Variants in MGAT1 observed in about 807,000 individuals in gnomAD.
The protein encoded by MGAT1 is alpha-1,3-mannosyl-glycoprotein 2-beta-N-acetylglucosaminyltransferase.
In MGAT1, 14 loss-of-function variants were observed where a neutral mutation model predicts 31.7. The observed-to-expected ratio is 0.44, with a 90% confidence interval of 0.29 to 0.69. The LOEUF is 0.69. MGAT1 is among the 30% of genes least tolerant of loss of function. The pLI is 0.12. For missense variants in MGAT1, 557 were observed against 626.0 expected (o/e 0.89, Z 1.18); for synonymous variants, 338 against 276.0 (o/e 1.22, Z -2.23).
At chr5:180,801,079 G>T (rs1000788106) in intron 1 of MGAT1, among the ~76,000 whole-genome samples, 10 of 152,224 alleles carry the variant, frequency 6.6e-5, no homozygotes, top group African/African-American at 2.4e-4. Context: ...CTCTGGGTAG[G>T]CGCCACCTGC....
At chr5:180,813,152 C>T (rs181407137) in intron 1 of MGAT1, among the ~76,000 whole-genome samples, 11 of 151,468 alleles carry the variant, frequency 7.3e-5, no homozygotes, top group South Asian at 4.1e-4. Context: ...TTGTTGAAGG[C>T]GTTTGTTTGA....
Position 180,792,791 on chromosome 5 carries a change from C to T in MGAT1, c.181G>A (p.Ala61Thr), listed in dbSNP as rs985736712. The T allele has an allele frequency of 1.9e-6, 3 of 1,552,420 alleles. No homozygotes were observed. The highest frequency in any genetic ancestry group is 2.6e-6 in the Non-Finnish European group (3 of 1,148,560). The change falls in exon 2 of 2, where the codon GCC becomes ACC. Residue 61 changes from alanine (A) to threonine (T), a missense_variant. Physicochemically the swap from Ala to Thr is moderately conservative, Grantham distance 58. Transcript: ENST00000307826. ...CGCTGCCGCTCCAGCTCCACCTCGG[C>T]GTCTTGGGCCAGGCGAATCACTTCC... ...TREVIRLAQDAEVELERQRGL... is the reference protein window; with the variant it reads ...TREVIRLAQDTEVELERQRGL...
At chr5:180,797,218 G>A (rs958236968) in intron 1 of MGAT1, among the ~76,000 whole-genome samples, 2 of 152,008 alleles carry the variant, frequency 1.3e-5, no homozygotes, top group Non-Finnish European at 2.9e-5. Context: ...CCAACATGGC[G>A]AAACCCCATC....
rs1405661057 is a variant in MGAT1 at position 180,791,213 on chromosome 5, C to T, written c.*421G>A. ...TGTCCCCTTCTCCCATAACTCAGTC[C>T]CCACTGGGGGAAGGGGAGCAGGTAT... On this transcript the variant is annotated 3_prime_UTR_variant, in exon 2 of 2. Coordinates refer to ENST00000307826, the MANE Select transcript of MGAT1 (RefSeq NM_002406.4). The T allele has an allele frequency of 5.3e-6, 1 of 189,382 alleles. No individual in the cohort carries two copies. Among genetic ancestry groups the T allele is most frequent in the Non-Finnish European group, 1.1e-5 (1 of 92,544 alleles). The allele number at this position is 189,382 out of a possible 1,614,324, so 11.7% of individuals were successfully genotyped here.
chr5:180,797,676 C>T (rs1769764199), intron 1 of MGAT1, among the ~76,000 whole-genome samples: 1 of 152,106 alleles, frequency 6.6e-6, no homozygotes, highest in South Asian at 2.1e-4. Flanking sequence ...CAAGTCTGCA[C>T]ACACATGGAG....
intron 1 of MGAT1, among the ~76,000 whole-genome samples, chr5:180,814,935 T>G (rs1325298011): frequency 1.4e-5 from 2 of 146,208 alleles, no homozygotes; most frequent in African/African-American, 5.3e-5. Flanking sequence ...AGTGAGACTC[T>G]GTCTCAAAAA....
chr5:180,793,984 T>C (rs952928972), intron 1 of MGAT1, among the ~76,000 whole-genome samples: 2 of 152,112 alleles, frequency 1.3e-5, no homozygotes, highest in Non-Finnish European at 2.9e-5. Flanking sequence ...AAAAATACCT[T>C]TTTATGGAGC....
At chr5:180,797,259 G>A (rs117657946) in intron 1 of MGAT1, among the ~76,000 whole-genome samples, 17,846 of 152,010 alleles carry the variant, frequency 0.12, 1,141 homozygotes, top group East Asian at 0.24. Context: ...AAAATTAGCC[G>A]GGTGTGGTGG....
chr5:180,804,646 A>G (rs1432772703), upstream of MGAT1, among the ~76,000 whole-genome samples: 1 of 152,260 alleles, frequency 6.6e-6, no homozygotes, highest in East Asian at 1.9e-4. Context: ...ACTAGGTGTC[A>G]AGGCGTAAAG....
intron 1 of MGAT1, among the ~76,000 whole-genome samples, chr5:180,802,433 C>T (rs1046766362): frequency 1.3e-5 from 2 of 152,196 alleles, no homozygotes; most frequent in Non-Finnish European, 2.9e-5. Context: ...CCGCGGAGCC[C>T]GCCCTTCCTC....
At position 180,793,001 on chromosome 5, in the gene MGAT1, G is replaced by C. The variant is rs924374684; in HGVS notation, c.-30C>G. On this transcript the variant is annotated 5_prime_UTR_variant, in exon 2 of 2. Coordinates refer to ENST00000307826, the MANE Select transcript of MGAT1 (RefSeq NM_002406.4). Reference sequence around the variant, plus strand: ...GCCCCCACCGGGGAGGGCAGGCCAGGGGACGGTTCAAGGCTGCCCTGGGCT... The same window carrying C: ...GCCCCCACCGGGGAGGGCAGGCCAGCGGACGGTTCAAGGCTGCCCTGGGCT... The C allele has an allele frequency of 6.2e-7, 1 of 1,611,036 alleles. No individual in the cohort carries two copies. The highest frequency in any genetic ancestry group is 8.5e-7 in the Non-Finnish European group (1 of 1,179,384).
Position 180,787,776 on chromosome 5 carries a change from C to G in MGAT1, c.*3858G>C, listed in dbSNP as rs1328734020. 2.6e-5 allele frequency: 4 copies of G among 152,310 alleles called. No homozygotes were observed. The highest frequency in any genetic ancestry group is 6.5e-5 in the Admixed American group (1 of 15,286). 9.4% of individuals were successfully genotyped at this position (152,310 alleles called of 1,614,324 possible). On this transcript the variant is annotated 3_prime_UTR_variant, in exon 2 of 2. Coordinates refer to ENST00000307826, the MANE Select transcript of MGAT1 (RefSeq NM_002406.4). ...CTGGCCCCTCAGCCTTGGCAGGCTT[C>G]TCATGCAGGGCCCAGTGAAGGCTCA... is the stretch of plus-strand genomic sequence containing the variant.
At chr5:180,797,104 A>G (rs940508263) in intron 1 of MGAT1, among the ~76,000 whole-genome samples, 11 of 151,458 alleles carry the variant, frequency 7.3e-5, no homozygotes, top group African/African-American at 2.4e-4. Flanking sequence ...GCTGCTCTGC[A>G]TGGCTTAGAA....
At chr5:180,803,934 C>A, upstream of MGAT1, 1 of 152,578 alleles carries the variant, frequency 6.6e-6, no homozygotes, top group Non-Finnish European at 1.5e-5. Flanking sequence ...AACCCCTCCC[C>A]CGTGTTCCAG....
At position 180,787,853 on chromosome 5, in the gene MGAT1, T is replaced by C. The variant is rs670902; in HGVS notation, c.*3781A>G. The C allele has an allele frequency of 0.39, 59,435 of 152,206 alleles. 15,762 individuals are homozygous for C. The highest frequency in any genetic ancestry group is 0.76 in the African/African-American group (31,372 of 41,490). 9.4% of individuals were successfully genotyped at this position (152,206 alleles called of 1,614,324 possible). On this transcript the variant is annotated 3_prime_UTR_variant, in exon 2 of 2. Coordinates refer to ENST00000307826, the MANE Select transcript of MGAT1 (RefSeq NM_002406.4). The stretch of plus-strand genomic sequence containing the variant: ...ACATTTGTCTCCACTGGGGGCGACT[T>C]GATCCACAAATGAGATCCCACCAGT...
In MGAT1 at chr5:180,791,419, C is replaced by T; in HGVS notation, c.*215G>A. 1.5e-6 allele frequency: 1 copy of T among 652,558 alleles called. No individual in the cohort carries two copies. The highest frequency in any genetic ancestry group is 2.6e-6 in the Non-Finnish European group (1 of 383,222). 40.4% of individuals were successfully genotyped at this position (652,558 alleles called of 1,614,324 possible). On this transcript the variant is annotated 3_prime_UTR_variant, in exon 2 of 2. Transcript: ENST00000307826. ...CAGTGGTTTCCTGCTTAATACCCCG[C>T]AACATACCCTAGAATAGTTCCCCTG...
intron 1 of MGAT1, among the ~76,000 whole-genome samples, chr5:180,798,062 C>T (rs1171542512): frequency 6.6e-6 from 1 of 152,166 alleles, no homozygotes; most frequent in Non-Finnish European, 1.5e-5. Flanking sequence ...CTCAGGCCAC[C>T]ATCAGGAGAG....
At chr5:180,795,201 T>C (rs1424245588) in intron 1 of MGAT1, among the ~76,000 whole-genome samples, 1 of 151,942 alleles carries the variant, frequency 6.6e-6, no homozygotes, top group Non-Finnish European at 1.5e-5. Context: ...GTAGGGTAGT[T>C]ACTACACAGG....
At chr5:180,806,303 C>T (rs1370066160), upstream of MGAT1, among the ~76,000 whole-genome samples, 1 of 152,114 alleles carries the variant, frequency 6.6e-6, no homozygotes, top group Non-Finnish European at 1.5e-5. Context: ...AATGCACACA[C>T]AGTCTGGTTA....
Sources: gnomAD v4.1 joint callset for allele counts (sites outside exome capture counted in the v4.1 genomes callset) on GRCh38, gnomAD v4.1.1 for gene constraint, MANE v1.5 for transcripts, NCBI Gene and HGNC (gene_info 2026-07-23, HGNC 2026-07-21) for gene names.